ZFPM2: variants seen among roughly 807,000 people sequenced by gnomAD.
ZFPM2 encodes zinc finger protein, FOG family member 2, also known as zinc finger protein ZFPM2.
ZFPM2 carries 20 observed loss-of-function variants against 98.6 expected under a neutral mutation model. That is an observed-to-expected ratio of 0.20 (90% CI 0.14 to 0.29). The LOEUF (loss-of-function observed/expected upper bound fraction) is 0.29, where lower values mean the gene tolerates loss of function less well. Among genes scored for constraint, ZFPM2 ranks in the 10% least tolerant of loss-of-function variants. ZFPM2 has a pLI of 1.00. For synonymous variants in ZFPM2, 518 were observed against 502.7 expected, an observed-to-expected ratio of 1.03 and a Z score of -0.41; for missense variants, 1,310 against 1,388.6, an observed-to-expected ratio of 0.94 and a Z score of 0.90.
Position 105,470,966 on chromosome 8 carries a change from CA to C in ZFPM2, c.301+26593del, listed in dbSNP as rs931050871. On this transcript the variant is annotated intron_variant, in intron 3 of 7. Coordinates refer to ENST00000407775, the MANE Select transcript of ZFPM2 (RefSeq NM_012082.4). Reference sequence around the variant, plus strand: ...TCATATAAAATAATGGCTGACATTTCAAAAAAAATGTTCATTACTCCTACTC... The same window carrying C: ...TCATATAAAATAATGGCTGACATTTCAAAAAAATGTTCATTACTCCTACTC... 4.0e-5 allele frequency among the ~76,000 whole-genome samples: 6 copies of C among 151,682 alleles called. No homozygotes were observed. The South Asian group carries it at 1.0e-3, about 26-fold the overall frequency.
intron 3 of ZFPM2, among the ~76,000 whole-genome samples, chr8:105,505,985 C>T (rs1396486445): frequency 6.6e-6 from 1 of 151,768 alleles, no homozygotes; most frequent in Non-Finnish European, 1.5e-5. Flanking sequence ...AATCTGTTTC[C>T]AAATCATACA....
At chr8:105,594,801 G>T (rs545468340) in intron 4 of ZFPM2, among the ~76,000 whole-genome samples, 199 of 152,108 alleles carry the variant, frequency 1.3e-3, no homozygotes, top group African/African-American at 4.5e-3. Flanking sequence ...CATGGATTCA[G>T]CAAACACTTC....
At chr8:105,710,068 C>G (rs979926722) in intron 5 of ZFPM2, among the ~76,000 whole-genome samples, 4 of 147,862 alleles carry the variant, frequency 2.7e-5, no homozygotes, top group African/African-American at 9.9e-5. Flanking sequence ...TCATAAGGTT[C>G]TTTAGCCATT....
intron 3 of ZFPM2, among the ~76,000 whole-genome samples, chr8:105,451,120 G>A (rs1586382311): frequency 1.3e-5 from 2 of 152,256 alleles, no homozygotes; most frequent in South Asian, 4.1e-4. Flanking sequence ...TGGGAACTAA[G>A]TATATTTAGA....
intron 2 of ZFPM2, among the ~76,000 whole-genome samples, chr8:105,420,418 G>A (rs1400040146): frequency 6.6e-6 from 1 of 152,028 alleles, no homozygotes; most frequent in Non-Finnish European, 1.5e-5. Flanking sequence ...ATGTCAGTCA[G>A]CTCCCATCCC....
At chr8:105,389,077 C>T (rs947606488) in intron 1 of ZFPM2, among the ~76,000 whole-genome samples, 1 of 139,682 alleles carries the variant, frequency 7.2e-6, no homozygotes, top group Non-Finnish European at 1.5e-5. Context: ...AGGGGAGAGA[C>T]GAATAGATAC....
intron 4 of ZFPM2, among the ~76,000 whole-genome samples, chr8:105,568,351 G>A (rs777621300): frequency 2.6e-5 from 4 of 151,696 alleles, no homozygotes; most frequent in South Asian, 2.1e-4. Context: ...CTCTCCTTTC[G>A]TACCTCTGCA....
intron 5 of ZFPM2, among the ~76,000 whole-genome samples, chr8:105,647,745 T>C (rs1232700007): frequency 6.6e-6 from 1 of 152,164 alleles, no homozygotes; most frequent in African/African-American, 2.4e-5. Flanking sequence ...CCATGGTGTA[T>C]ATGTGCCACA....
At chr8:105,380,827 AAT>A (rs1280807030) in intron 1 of ZFPM2, among the ~76,000 whole-genome samples, 2 of 85,334 alleles carry the variant, frequency 2.3e-5, no homozygotes, top group Non-Finnish European at 4.0e-5. Flanking sequence ...TATAATATAT[AAT>A]ATATATGTTA....
At chr8:105,474,774 G>A (rs1408948972) in intron 3 of ZFPM2, among the ~76,000 whole-genome samples, 1 of 152,180 alleles carries the variant, frequency 6.6e-6, no homozygotes, top group East Asian at 1.9e-4. Context: ...GATTAGGTGA[G>A]TGTAGAAGTG....
Position 105,802,150 on chromosome 8 carries a change from G to A in ZFPM2, c.2068G>A (p.Glu690Lys), listed in dbSNP as rs1814044012. 1.9e-6 allele frequency: 3 copies of A among 1,613,786 alleles called. No homozygotes were observed. Among genetic ancestry groups the A allele is most frequent in the Non-Finnish European group, 2.5e-6 (3 of 1,179,872 alleles). ...AAGTGACCCAAATAAGACTACCTGTGAAGCTTGCAACATTACCTTCAGCCG... is the reference window on the plus strand; with the variant it reads ...AAGTGACCCAAATAAGACTACCTGTAAAGCTTGCAACATTACCTTCAGCCG... ...GESDPNKTTC[E>K]ACNITFSRHE... Residue 690 changes from glutamate (E) to lysine (K), a missense_variant, in exon 8 of 8, where the codon GAA becomes AAA. By Grantham distance (56) the Glu-to-Lys change is moderately conservative (BLOSUM62 1). Transcript: ENST00000407775.
chr8:105,600,448 A>T (rs925567587), intron 4 of ZFPM2, among the ~76,000 whole-genome samples: 6 of 152,106 alleles, frequency 3.9e-5, no homozygotes, highest in Non-Finnish European at 7.4e-5. Flanking sequence ...TACTAAGAAA[A>T]GAGGGATTTC....
At chr8:105,784,486 C>T (rs1586262699) in intron 5 of ZFPM2, among the ~76,000 whole-genome samples, 1 of 145,670 alleles carries the variant, frequency 6.9e-6, no homozygotes, top group South Asian at 2.1e-4. Flanking sequence ...TTTAGCAGGG[C>T]AGTAAGAAAT....
chr8:105,506,239 A>G (rs1332358041), intron 3 of ZFPM2, among the ~76,000 whole-genome samples: 2 of 152,198 alleles, frequency 1.3e-5, no homozygotes, highest in Non-Finnish European at 2.9e-5. Flanking sequence ...GAGAAGGATT[A>G]TACTCAACCT....
At chr8:105,497,622 GA>G (rs918586151) in intron 3 of ZFPM2, among the ~76,000 whole-genome samples, 1 of 152,002 alleles carries the variant, frequency 6.6e-6, no homozygotes, top group Non-Finnish European at 1.5e-5. Context: ...TGTTCACACT[GA>G]AAAAAACATA....
chr8:105,694,200 A>G (rs529757055), intron 5 of ZFPM2, among the ~76,000 whole-genome samples: 1 of 151,598 alleles, frequency 6.6e-6, no homozygotes, highest in African/African-American at 2.4e-5. Flanking sequence ...GTTAGCCAGG[A>G]TGGTCTCAAT....
At chr8:105,485,286 C>A (rs756176451) in intron 3 of ZFPM2, among the ~76,000 whole-genome samples, 18 of 151,742 alleles carry the variant, frequency 1.2e-4, no homozygotes, top group Admixed American at 2.6e-4. Context: ...CTGGTTACTG[C>A]TTGTTTTTTT....
intron 1 of ZFPM2, among the ~76,000 whole-genome samples, chr8:105,325,360 G>C (rs1812095803): frequency 6.6e-6 from 1 of 151,846 alleles, no homozygotes. Flanking sequence ...TAGCACATTT[G>C]TTTATTATGC....
intron 2 of ZFPM2, 55 bp downstream of exon 2, chr8:105,419,357 GTT>G: frequency 6.4e-7 from 1 of 1,557,812 alleles, no homozygotes. Context: ...ATTTTGTAAT[GTT>G]TTAAAAAAAT....
Sources: gnomAD v4.1 joint callset for allele counts (sites outside exome capture counted in the v4.1 genomes callset) on GRCh38, gnomAD v4.1.1 for gene constraint, MANE v1.5 for transcripts, NCBI Gene and HGNC (gene_info 2026-07-23, HGNC 2026-07-21) for gene names.